The following NSD1 variants were observed in gnomAD, a reference collection of about 807,000 sequenced individuals.
The protein encoded by NSD1 is histone-lysine N-methyltransferase, H3 lysine-36 specific.
A neutral mutation model predicts 242.7 loss-of-function variants in NSD1; 26 were observed. The observed-to-expected ratio is 0.11, with a 90% CI of 0.08 to 0.15. The LOEUF is 0.15. Ranked by LOEUF, NSD1 falls within the 10% of genes least tolerant of loss-of-function variation. NSD1 has a pLI of 1.00. For synonymous variants in NSD1, 1,106 were observed against 1,178.1 expected, an observed-to-expected ratio of 0.94 and a Z score of 1.25; for missense variants, 2,495 against 3,272.8, an observed-to-expected ratio of 0.76 and a Z score of 5.80.
intron 16 of NSD1, 127 bp from the exon 17 acceptor site, chr5:177,273,545 C>A: frequency 1.4e-6 from 1 of 735,080 alleles, no homozygotes; most frequent in South Asian, 1.5e-5. Context: ...TTTCATATAG[C>A]ATTGGTCGAT....
intron 2 of NSD1, among the ~76,000 whole-genome samples, chr5:177,181,442 T>C (rs1400237166): frequency 3.4e-5 from 5 of 147,142 alleles, no homozygotes. Context: ...TTTTTTTTTT[T>C]TTTGGCAGGT....
At position 177,299,807 on chromosome 5, in the gene NSD1, A is replaced by G. The variant is rs967749251; in HGVS notation, c.*4348A>G. ...CATGGGCACAGAGAGTAGAAGCAGA[A>G]ATAAATGGTTCTATGTTTTCAACTT... On this transcript the variant is annotated 3_prime_UTR_variant, in exon 23 of 23. Coordinates refer to ENST00000439151, the MANE Select transcript of NSD1 (RefSeq NM_022455.5). 2 of 233,200 alleles carry G rather than the reference A, an allele frequency of 8.6e-6. No homozygotes were observed. The highest frequency in any genetic ancestry group is 4.4e-5 in the African/African-American group (2 of 45,326). The allele number at this position is 233,200 out of a possible 1,614,324, so 14.4% of individuals were successfully genotyped here. A position where few individuals can be genotyped will look rare whatever the true frequency, so the allele number is the denominator to read the frequency against.
intron 2 of NSD1, among the ~76,000 whole-genome samples, chr5:177,168,553 G>A (rs1348143572): frequency 1.3e-5 from 2 of 150,518 alleles, no homozygotes; most frequent in Non-Finnish European, 2.9e-5. Context: ...TCTGCCTCCC[G>A]GGTTCAAGTG....
intron 2 of NSD1, among the ~76,000 whole-genome samples, chr5:177,164,922 G>A (rs1759061728): frequency 6.6e-6 from 1 of 150,918 alleles, no homozygotes; most frequent in South Asian, 2.1e-4. Flanking sequence ...AAGCCTGGGT[G>A]AGAAGAGCGA....
chr5:177,199,613 T>TCTTTTCTTTTCTTTTCTTTTC (rs776032109), intron 3 of NSD1, among the ~76,000 whole-genome samples: 26 of 151,434 alleles, frequency 1.7e-4, no homozygotes, highest in African/African-American at 4.6e-4. Context: ...TCTTTTCTTT[T>TCTTTTCTTTTCTTTTCTTTTC]TTTTTGAGAT....
intron 2 of NSD1, among the ~76,000 whole-genome samples, chr5:177,158,998 T>TTATATATATATATATGAATTA (rs1554173192): frequency 1.6e-5 from 2 of 122,612 alleles, no homozygotes; most frequent in Admixed American, 8.0e-5. Flanking sequence ...ATGAATGATT[T>TTATATATATATATATGAATTA]TATATATATA....
intron 2 of NSD1, among the ~76,000 whole-genome samples, chr5:177,140,371 C>T (rs1468982935): frequency 6.6e-6 from 1 of 152,078 alleles, no homozygotes; most frequent in African/African-American, 2.4e-5. Context: ...GTAATGGGGC[C>T]TAGAAATTCA....
chr5:177,137,744 C>A (rs1038870068), intron 2 of NSD1, among the ~76,000 whole-genome samples: 9 of 151,722 alleles, frequency 5.9e-5, no homozygotes, highest in Non-Finnish European at 1.3e-4. Context: ...GAATTGTAAA[C>A]CTGTTTCTCG....
chr5:177,152,337 G>A (rs1256524512), intron 2 of NSD1, among the ~76,000 whole-genome samples: 1 of 151,242 alleles, frequency 6.6e-6, no homozygotes. Context: ...ATGTATGTAT[G>A]TATGTATGTA....
chr5:177,138,336 A>T (rs1042735865), intron 2 of NSD1, among the ~76,000 whole-genome samples: 2 of 151,888 alleles, frequency 1.3e-5, no homozygotes, highest in African/African-American at 4.8e-5. Flanking sequence ...GCTCACTTCA[A>T]CCACCTCCTC....
chr5:177,213,236 G>A (rs1763499573), intron 5 of NSD1, among the ~76,000 whole-genome samples: 1 of 152,064 alleles, frequency 6.6e-6, no homozygotes, highest in Admixed American at 6.5e-5. Context: ...CTTTTTTACA[G>A]CAATATCCAT....
chr5:177,180,158 G>A (rs1175171626), intron 2 of NSD1, among the ~76,000 whole-genome samples: 2 of 151,450 alleles, frequency 1.3e-5, no homozygotes, highest in Non-Finnish European at 2.9e-5. Flanking sequence ...GCAGTGGCAC[G>A]ATCTTGGCTC....
chr5:177,135,021 C>G (rs1581088734), intron 1 of NSD1, 66 bp from the exon 2 acceptor site: 67 of 1,418,138 alleles, frequency 4.7e-5, no homozygotes, highest in African/African-American at 1.4e-5. Context: ...GAAGTGGCTG[C>G]CATTTTAAAG....
chr5:177,296,129 A>C lies in NSD1; in HGVS notation c.*670A>C, dbSNP rs372359733. 4 of 245,840 alleles carry C rather than the reference A, an allele frequency of 1.6e-5. No individual in the cohort carries two copies. The highest frequency in any genetic ancestry group is 8.8e-5 in the African/African-American group (4 of 45,456). 15.2% of individuals were successfully genotyped at this position (245,840 alleles called of 1,614,324 possible). The stretch of plus-strand genomic sequence containing the variant: ...CTGCGGTGTGCATGGGTGCGTGTGC[A>C]TGCGCGCACACTCACAGAGGTCTCC... On this transcript the variant is annotated 3_prime_UTR_variant, in exon 23 of 23. Coordinates refer to ENST00000439151, the MANE Select transcript of NSD1 (RefSeq NM_022455.5).
At chr5:177,245,191 C>T (rs1347416668) in intron 9 of NSD1, among the ~76,000 whole-genome samples, 1 of 152,186 alleles carries the variant, frequency 6.6e-6, no homozygotes, top group African/African-American at 2.4e-5. Context: ...CTGTTGCTCA[C>T]ACCAGGCACT....
upstream of NSD1, among the ~76,000 whole-genome samples, chr5:177,132,303 G>T (rs908640094): frequency 6.6e-6 from 1 of 151,578 alleles, no homozygotes; most frequent in Admixed American, 6.6e-5. This position sits in a 1 kb window ranked among gnomAD's most constrained non-coding sequence, Gnocchi z 7.5. Flanking sequence ...GGCACGAGAG[G>T]GCCATCTGCC....
At position 177,219,735 on chromosome 5, in the gene NSD1, C is replaced by T. The variant is rs531812810; in HGVS notation, c.3796+7540C>T. Among the ~76,000 whole-genome samples, 18 of 152,164 alleles carry T rather than the reference C, an allele frequency of 1.2e-4. 1 individual carries two copies. In the South Asian group the frequency reaches 3.1e-3, roughly 26 times the overall value. On this transcript the variant is annotated intron_variant, in intron 5 of 22. Transcript: ENST00000439151. The stretch of plus-strand genomic sequence containing the variant: ...ATCTCAGCACTTTGGGAGGCCAAGG[C>T]GAGATCACCTGAGGTCAGGAGTTCA...
chr5:177,176,194 C>T (rs1011474881), intron 2 of NSD1, among the ~76,000 whole-genome samples: 5 of 152,066 alleles, frequency 3.3e-5, no homozygotes, highest in African/African-American at 1.2e-4. Flanking sequence ...AAAATCGTAA[C>T]ATTTCAGTGA....
At chr5:177,227,197 GGTTTTGTAGAT>G (rs1397867282) in intron 5 of NSD1, among the ~76,000 whole-genome samples, 17 of 152,076 alleles carry the variant, frequency 1.1e-4, no homozygotes, top group Admixed American at 2.0e-4. Flanking sequence ...TTACTATACT[GGTTTTGTAGAT>G]GTTTGCAATT....
Sources: allele counts gnomAD v4.1 joint callset (sites outside exome capture counted in the v4.1 genomes callset), GRCh38; gene constraint gnomAD v4.1.1; non-coding constraint Gnocchi (gnomAD v3.1); transcripts MANE v1.5; gene names NCBI Gene and HGNC (gene_info 2026-07-23, HGNC 2026-07-21).